BCAS3: variants seen among roughly 807,000 people sequenced by gnomAD.
BCAS3 encodes the protein BCAS4/BCAS3 fusion.
Under a neutral mutation model 116.1 loss-of-function variants are expected in BCAS3, and 53 were observed. The ratio of observed to expected loss-of-function variants is 0.46; its 90% CI spans 0.37 to 0.57. The LOEUF is 0.57. Among genes scored for constraint, BCAS3 ranks in the 20% least tolerant of loss-of-function variants. The pLI is 0.00. For synonymous variants in BCAS3, 391 were observed against 408.2 expected (o/e 0.96, Z 0.51); for missense variants, 917 against 1,165.4 (o/e 0.79, Z 3.10).
In BCAS3 at chr17:61,029,695, T is replaced by C. The variant is rs1401442789; in HGVS notation, c.1638-4971T>C. Among the ~76,000 whole-genome samples the C allele has an allele frequency of 6.6e-6, 1 of 151,994 alleles. No individual in the cohort carries two copies. The highest frequency in any genetic ancestry group is 1.5e-5 in the Non-Finnish European group (1 of 67,920). ...ACAATGGGTAGTCCATATAAGTATA[T>C]TTCTTCCTCATAAAATGTTTTCATA... On this transcript the variant is annotated intron_variant, in intron 16 of 23. Transcript: ENST00000407086. The surrounding 1 kb of genome is among the most constrained non-coding windows in gnomAD (Gnocchi z 5.2).
Position 61,214,978 on chromosome 17 carries a change from A to T in BCAS3, c.2425+130414A>T, listed in dbSNP as rs1038846291. Among the ~76,000 whole-genome samples the T allele has an allele frequency of 2.0e-5, 3 of 152,204 alleles. No homozygotes were observed. Among genetic ancestry groups the T allele is most frequent in the Admixed American group, 6.5e-5 (1 of 15,280 alleles). On this transcript the variant is annotated intron_variant, in intron 22 of 23. Coordinates refer to ENST00000407086, the MANE Select transcript of BCAS3 (RefSeq NM_017679.5). This position sits in a 1 kb window ranked among gnomAD's most constrained non-coding sequence, Gnocchi z 4.4. ...CTCAAGAAAAAGAAATACAGCCTCT[A>T]TATACCTCTTACACCCACTAGATAG...
intron 22 of BCAS3, among the ~76,000 whole-genome samples, chr17:61,329,002 C>T (rs1034101845): frequency 6.8e-6 from 1 of 147,572 alleles, no homozygotes; most frequent in African/African-American, 2.5e-5. Flanking sequence ...TCAAGCAATT[C>T]TCCTGCCTCA....
Position 61,105,763 on chromosome 17 carries a change from G to A in BCAS3, c.2425+21199G>A, listed in dbSNP as rs993670350. On this transcript the variant is annotated intron_variant, in intron 22 of 23. Transcript: ENST00000407086. This position sits in a 1 kb window ranked among gnomAD's most constrained non-coding sequence, Gnocchi z 4.3. ...AATTCTTATACCTCTTGCTTTAAGT[G>A]TTGGGAGAAAATGGAAAAAAAAAAG... 1.1e-5 allele frequency among the ~76,000 whole-genome samples: 1 copy of A among 87,312 alleles called. No homozygotes were observed. Among genetic ancestry groups the A allele is most frequent in the African/African-American group, 2.9e-5 (1 of 34,236 alleles). 57.3% of individuals were successfully genotyped at this position (87,312 alleles called of 152,430 possible). A position where few individuals can be genotyped will look rare whatever the true frequency, so the allele number is the denominator to read the frequency against.
intron 22 of BCAS3, among the ~76,000 whole-genome samples, chr17:61,165,626 C>T (rs1023976131): frequency 2.0e-5 from 3 of 152,148 alleles, no homozygotes; most frequent in Admixed American, 6.5e-5. Context: ...GCAGAGGTTG[C>T]AGTGAGCCAA....
intron 18 of BCAS3, among the ~76,000 whole-genome samples, chr17:61,038,605 C>A (rs1198300567): frequency 6.6e-6 from 1 of 150,618 alleles, no homozygotes; most frequent in East Asian, 1.9e-4. Context: ...TTTCTTAAAT[C>A]TCACTTTCAT....
intron 4 of BCAS3, among the ~76,000 whole-genome samples, chr17:60,699,831 C>G (rs1159462364): frequency 1.3e-5 from 2 of 149,756 alleles, no homozygotes; most frequent in East Asian, 3.9e-4. Flanking sequence ...CCACTGCACT[C>G]CAGCCTGGGC....
At chr17:60,779,614 C>T (rs925985277) in intron 6 of BCAS3, among the ~76,000 whole-genome samples, 1 of 152,186 alleles carries the variant, frequency 6.6e-6, no homozygotes, top group Non-Finnish European at 1.5e-5. Flanking sequence ...GGTGATCCAC[C>T]CGCCTTGGCC....
At chr17:60,859,518 C>T (rs2053976455) in intron 7 of BCAS3, among the ~76,000 whole-genome samples, 2 of 151,828 alleles carry the variant, frequency 1.3e-5, no homozygotes, top group South Asian at 4.2e-4. Context: ...CTGCAAAGGA[C>T]ACGATTTTGT....
chr17:60,938,188 C>T (rs903338410), intron 13 of BCAS3, among the ~76,000 whole-genome samples: 6 of 152,058 alleles, frequency 3.9e-5, no homozygotes, highest in African/African-American at 1.4e-4. Context: ...GCCACTGCAC[C>T]CGGCCAAAAT....
rs1289806068 is a variant in BCAS3 at position 61,180,970 on chromosome 17, C to T, written c.2425+96406C>T. ...CGATGGCTCACACCTGTAATCTTAG[C>T]ACTTTGGGAGGCTGGGGTGGGGGGA... On this transcript the variant is annotated intron_variant, in intron 22 of 23. Coordinates refer to ENST00000407086, the MANE Select transcript of BCAS3 (RefSeq NM_017679.5). This position sits in a 1 kb window ranked among gnomAD's most constrained non-coding sequence, Gnocchi z 6.0. Among the ~76,000 whole-genome samples the T allele has an allele frequency of 6.6e-6, 1 of 152,082 alleles. No homozygotes were observed. Among genetic ancestry groups the T allele is most frequent in the Non-Finnish European group, 1.5e-5 (1 of 68,014 alleles).
intron 19 of BCAS3, among the ~76,000 whole-genome samples, chr17:61,061,119 A>G (rs1378984119): frequency 6.6e-6 from 1 of 152,232 alleles, no homozygotes; most frequent in African/African-American, 2.4e-5. Flanking sequence ...ATGATCATTT[A>G]AGAAGATTTT....
chr17:61,009,811 C>T (rs927671058), intron 15 of BCAS3, among the ~76,000 whole-genome samples: 1 of 151,966 alleles, frequency 6.6e-6, no homozygotes, highest in Non-Finnish European at 1.5e-5. Context: ...CACATCACTG[C>T]ATTCAGAAGC....
chr17:60,801,131 C>CTT (rs774272790), intron 6 of BCAS3, among the ~76,000 whole-genome samples: 5 of 152,014 alleles, frequency 3.3e-5, no homozygotes, highest in Non-Finnish European at 7.4e-5. Flanking sequence ...TTGCATTAAA[C>CTT]TTTATATCAG....
At position 61,148,643 on chromosome 17, in the gene BCAS3, G is replaced by A. The variant is rs141452901; in HGVS notation, c.2425+64079G>A. On this transcript the variant is annotated intron_variant, in intron 22 of 23. Coordinates refer to ENST00000407086, the MANE Select transcript of BCAS3 (RefSeq NM_017679.5). ...ACAGTTTGTGACTTTTGCATTGTAT[G>A]TTCCACTCCATTTTATCCTCATAAC... Among the ~76,000 whole-genome samples the A allele has an allele frequency of 3.9e-3, 593 of 152,260 alleles. 19 individuals are homozygous for A. The highest frequency in any genetic ancestry group is 0.036 in the Admixed American group (548 of 15,284).
At chr17:60,761,013 AT>A (rs1170663909) in intron 6 of BCAS3, among the ~76,000 whole-genome samples, 4 of 151,782 alleles carry the variant, frequency 2.6e-5, no homozygotes, top group Non-Finnish European at 4.4e-5. Flanking sequence ...TTTTGAATAT[AT>A]TTTGCATTTT....
At chr17:61,070,455 G>A (rs1181513864) in intron 19 of BCAS3, 2 of 169,238 alleles carry the variant, frequency 1.2e-5, no homozygotes, top group Non-Finnish European at 2.3e-5. Context: ...TGTTTAACTT[G>A]TCTTTTTTGT....
chr17:60,802,295 A>AATATATAT (rs773556470), intron 6 of BCAS3, among the ~76,000 whole-genome samples: 4 of 127,946 alleles, frequency 3.1e-5, no homozygotes, highest in African/African-American at 1.5e-4. Context: ...AAAAAAAAAA[A>AATATATAT]ATATATATAT....
chr17:61,281,484 C>T lies in BCAS3; in HGVS notation c.2426-86843C>T, dbSNP rs1417920102. ...TATGAGAGTACTTATTTCTCTACGC[C>T]TTGCCAGTACAGTGTGTTATCAGAT... On this transcript the variant is annotated intron_variant, in intron 22 of 23. Transcript: ENST00000407086. This position sits in a 1 kb window ranked among gnomAD's most constrained non-coding sequence, Gnocchi z 4.2. 6.6e-6 allele frequency among the ~76,000 whole-genome samples: 1 copy of T among 152,158 alleles called. No homozygotes were observed. The highest frequency in any genetic ancestry group is 1.5e-5 in the Non-Finnish European group (1 of 68,020).
In BCAS3 at chr17:61,140,581, C is replaced by A. The variant is rs1292974702; in HGVS notation, c.2425+56017C>A. On this transcript the variant is annotated intron_variant, in intron 22 of 23. Transcript: ENST00000407086. The surrounding 1 kb of genome is among the most constrained non-coding windows in gnomAD (Gnocchi z 4.2). ...AGTCACATAAAAGTTGCTTATCTCT[C>A]CACTTTTTTTTTTTTTCTGGAGAAA... 1.3e-5 allele frequency among the ~76,000 whole-genome samples: 2 copies of A among 151,802 alleles called. No individual in the cohort carries two copies. The highest frequency in any genetic ancestry group is 1.3e-4 in the Admixed American group (2 of 15,168).
Sources: gnomAD v4.1 joint callset for allele counts (sites outside exome capture counted in the v4.1 genomes callset) on GRCh38, gnomAD v4.1.1 for gene constraint, Gnocchi (gnomAD v3.1) non-coding constraint, MANE v1.5 for transcripts, NCBI Gene and HGNC (gene_info 2026-07-23, HGNC 2026-07-21) for gene names.